ROBO2: variants seen among roughly 807,000 people sequenced by gnomAD.
ROBO2 encodes roundabout homolog 2.
Under a neutral mutation model 160.8 loss-of-function variants are expected in ROBO2, and 53 were observed. The ratio of observed to expected loss-of-function variants is 0.33; its 90% CI spans 0.26 to 0.41. The LOEUF is 0.41. ROBO2 is among the 10% of genes least tolerant of loss of function. The pLI, the probability that ROBO2 is intolerant of heterozygous loss-of-function variation, is 1.00. For synonymous variants in ROBO2, 664 were observed against 611.7 expected (o/e 1.09, Z -1.26); for missense variants, 1,577 against 1,722.4 (o/e 0.92, Z 1.49).
chr3:75,906,712 G>A (rs1158361586), exon 1 of ROBO2: 1 of 152,342 alleles, frequency 6.6e-6, no homozygotes, highest in East Asian at 1.9e-4. Flanking sequence ...GGAGGGAGGC[G>A]GAAGGACAGC....
intron 2 of ROBO2, among the ~76,000 whole-genome samples, chr3:76,919,443 A>G (rs1335442445): frequency 6.6e-6 from 1 of 152,174 alleles, no homozygotes. Context: ...AAAAAGATTT[A>G]TCTCCTCATA....
intron 6 of ROBO2, among the ~76,000 whole-genome samples, chr3:77,525,324 C>T (rs1426548535): frequency 7.0e-6 from 1 of 143,860 alleles, no homozygotes; most frequent in African/African-American, 2.6e-5. Context: ...AAAATTTTAT[C>T]ATAACATTCA....
At chr3:77,002,854 A>T (rs1044178764) in intron 2 of ROBO2, among the ~76,000 whole-genome samples, 1 of 152,188 alleles carries the variant, frequency 6.6e-6, no homozygotes, top group African/African-American at 2.4e-5. Context: ...TTCAGAATAC[A>T]TATTAAAGAA....
chr3:76,533,794 A>G (rs1306310700), intron 2 of ROBO2, among the ~76,000 whole-genome samples: 1 of 152,092 alleles, frequency 6.6e-6, no homozygotes, highest in Non-Finnish European at 1.5e-5. Flanking sequence ...TGCATGGTGG[A>G]GAGACCATGA....
chr3:76,729,022 T>C (rs17014596), intron 2 of ROBO2, among the ~76,000 whole-genome samples: 3,973 of 152,240 alleles, frequency 0.026, 160 homozygotes, highest in African/African-American at 0.085. Flanking sequence ...TAAAACATCT[T>C]ATAGTCACAA....
At chr3:77,442,458 A>T (rs556118709) in intron 2 of ROBO2, among the ~76,000 whole-genome samples, 17 of 152,316 alleles carry the variant, frequency 1.1e-4, no homozygotes, top group Non-Finnish European at 4.4e-5. Flanking sequence ...TTTTCACCCA[A>T]TGAAAACCTT....
At chr3:77,455,380 G>A (rs2081524075) in intron 2 of ROBO2, among the ~76,000 whole-genome samples, 1 of 152,188 alleles carries the variant, frequency 6.6e-6, no homozygotes, top group African/African-American at 2.4e-5. Context: ...TCGCTGACAT[G>A]TGAATATACT....
chr3:76,548,600 C>T (rs1011943190), intron 2 of ROBO2, among the ~76,000 whole-genome samples: 11 of 150,246 alleles, frequency 7.3e-5, no homozygotes, highest in Non-Finnish European at 1.5e-4. Context: ...GAAATTCCAT[C>T]GCTTATCACT....
intron 2 of ROBO2, among the ~76,000 whole-genome samples, chr3:76,894,616 T>C (rs1559665287): frequency 6.6e-6 from 1 of 152,162 alleles, no homozygotes; most frequent in Non-Finnish European, 1.5e-5. Context: ...TTATGACTTG[T>C]GCTGAAGCAG....
chr3:77,173,428 T>C (rs1579631108), intron 2 of ROBO2, among the ~76,000 whole-genome samples: 1 of 152,136 alleles, frequency 6.6e-6, no homozygotes, highest in South Asian at 2.1e-4. Flanking sequence ...GAAGTGACCT[T>C]GTTATGTTGG....
At chr3:77,221,501 C>T (rs763370618) in intron 2 of ROBO2, among the ~76,000 whole-genome samples, 4 of 152,054 alleles carry the variant, frequency 2.6e-5, no homozygotes, top group Non-Finnish European at 5.9e-5. Flanking sequence ...TTGTGTATCT[C>T]ATATCTACAC....
intron 2 of ROBO2, among the ~76,000 whole-genome samples, chr3:76,831,856 T>A (rs1229111330): frequency 2.0e-5 from 3 of 152,184 alleles, no homozygotes; most frequent in African/African-American, 7.2e-5. Context: ...GCTGAGTGGG[T>A]CAACTTGGAA....
rs890173743 is a variant in ROBO2, at chr3:76,352,768, C to G, written c.109+415166C>G. 1.1e-4 allele frequency among the ~76,000 whole-genome samples: 17 copies of G among 152,056 alleles called. No individual in the cohort carries two copies. The East Asian group carries it at 3.3e-3, about 30-fold the overall frequency. On this transcript the variant is annotated intron_variant, in intron 2 of 26. Coordinates refer to the ROBO2 transcript ENST00000487694. ...TTTTATTAGAGTTCCCCATAAATAT[C>G]AAGTTATAAATAAACTGTGTCTGGA... is the stretch of plus-strand genomic sequence containing the variant.
intron 6 of ROBO2, among the ~76,000 whole-genome samples, chr3:77,530,286 A>C (rs899638759): frequency 7.2e-5 from 11 of 152,008 alleles, no homozygotes; most frequent in African/African-American, 2.7e-4. Context: ...ATTAGCAATC[A>C]TTGCAGATTC....
intron 2 of ROBO2, among the ~76,000 whole-genome samples, chr3:77,302,852 A>T (rs2153414310): frequency 6.6e-6 from 1 of 152,282 alleles, no homozygotes; most frequent in East Asian, 1.9e-4. Context: ...TTCATCATTT[A>T]TTTCCCACTT....
intron 2 of ROBO2, among the ~76,000 whole-genome samples, chr3:76,681,350 A>T (rs2092556713): frequency 1.3e-5 from 2 of 152,326 alleles, no homozygotes; most frequent in South Asian, 4.1e-4. Context: ...CAGGCTTACC[A>T]TACAGCAGCT....
At chr3:77,350,188 C>T (rs967287134) in intron 2 of ROBO2, among the ~76,000 whole-genome samples, 4 of 151,588 alleles carry the variant, frequency 2.6e-5, no homozygotes, top group African/African-American at 9.7e-5. Flanking sequence ...GCAGGAGGAT[C>T]GCTTGAGCCC....
At chr3:77,285,250 C>A (rs1369272811) in intron 2 of ROBO2, among the ~76,000 whole-genome samples, 2 of 151,952 alleles carry the variant, frequency 1.3e-5, no homozygotes, top group African/African-American at 4.8e-5. Context: ...CTTCATTGGC[C>A]AGAACACTTA....
chr3:77,247,991 C>T (rs2089925463), intron 2 of ROBO2, among the ~76,000 whole-genome samples: 1 of 152,122 alleles, frequency 6.6e-6, no homozygotes, highest in South Asian at 2.1e-4. Context: ...TGCCTTTCCA[C>T]CCACAGCCCC....
Sources: allele counts gnomAD v4.1 joint callset (sites outside exome capture counted in the v4.1 genomes callset), GRCh38; gene constraint gnomAD v4.1.1; transcripts MANE v1.5; gene names NCBI Gene and HGNC (gene_info 2026-07-23, HGNC 2026-07-21).